The following PHACTR1 variants were observed in gnomAD, a reference collection of about 807,000 sequenced individuals.
PHACTR1 encodes the protein phosphatase and actin regulator 1, also known as RPEL repeat containing 1.
PHACTR1 carries 16 observed loss-of-function variants against 69.2 expected under a neutral mutation model. The ratio of observed to expected loss-of-function variants is 0.23; its 90% CI spans 0.16 to 0.35. The LOEUF (loss-of-function observed/expected upper bound fraction) is 0.35, where lower values mean the gene tolerates loss of function less well. Ranked by LOEUF, PHACTR1 falls within the 10% of genes least tolerant of loss-of-function variation. The pLI is 1.00. For synonymous variants in PHACTR1, 312 were observed against 284.5 expected, an observed-to-expected ratio of 1.10 and a Z score of -0.97; for missense variants, 510 against 734.7, an observed-to-expected ratio of 0.69 and a Z score of 3.54.
At chr6:12,989,682 C>T (rs911731151) in intron 4 of PHACTR1, among the ~76,000 whole-genome samples, 20 of 152,040 alleles carry the variant, frequency 1.3e-4, no homozygotes, top group South Asian at 8.3e-4. Flanking sequence ...AGCCAGGGGG[C>T]CAGTTGCAAA....
intron 4 of PHACTR1, among the ~76,000 whole-genome samples, chr6:12,962,398 C>T (rs1051739579): frequency 6.6e-6 from 1 of 152,152 alleles, no homozygotes; most frequent in East Asian, 1.9e-4. Context: ...CACAATTTGG[C>T]CCCCAACAGC....
chr6:12,758,944 GA>G (rs1157038262), intron 4 of PHACTR1, among the ~76,000 whole-genome samples: 2 of 151,846 alleles, frequency 1.3e-5, no homozygotes, highest in Non-Finnish European at 2.9e-5. Context: ...CCAACATGGT[GA>G]AACCCTGTCT....
chr6:12,973,916 A>ATT (rs33948457), intron 4 of PHACTR1, among the ~76,000 whole-genome samples: 15,170 of 92,894 alleles, frequency 0.16, 1,633 homozygotes, highest in Middle Eastern at 0.22. Flanking sequence ...AGAGGCTGGG[A>ATT]TTTTTTTTTT....
At chr6:12,950,063 A>G (rs1791112600) in intron 4 of PHACTR1, among the ~76,000 whole-genome samples, 1 of 152,330 alleles carries the variant, frequency 6.6e-6, no homozygotes, top group African/African-American at 2.4e-5. Context: ...GCTGTTTAAA[A>G]CAATAATCAT....
At chr6:13,236,586 G>A (rs974091671) in intron 10 of PHACTR1, among the ~76,000 whole-genome samples, 1 of 152,030 alleles carries the variant, frequency 6.6e-6, no homozygotes, top group Admixed American at 6.6e-5. Flanking sequence ...CTCTGCCTTC[G>A]TCTCTGCATG....
intron 4 of PHACTR1, among the ~76,000 whole-genome samples, chr6:13,050,332 A>G (rs1805750688): frequency 6.6e-6 from 1 of 152,106 alleles, no homozygotes; most frequent in African/African-American, 2.4e-5. Context: ...TGAATCTTTT[A>G]TCTTCCTCCT....
intron 4 of PHACTR1, among the ~76,000 whole-genome samples, chr6:13,048,599 A>G (rs1291210583): frequency 1.3e-5 from 2 of 149,604 alleles, no homozygotes; most frequent in Non-Finnish European, 3.0e-5. Context: ...TAATGGTGCA[A>G]TCTTAGCTCA....
intron 3 of PHACTR1, among the ~76,000 whole-genome samples, chr6:12,739,689 C>A (rs1173524205): frequency 6.6e-6 from 1 of 152,112 alleles, no homozygotes; most frequent in East Asian, 1.9e-4. Flanking sequence ...AGGCACGTAC[C>A]ACCATGCCCA....
At chr6:12,863,424 A>C (rs6458507) in intron 4 of PHACTR1, among the ~76,000 whole-genome samples, 148,430 of 152,322 alleles carry the variant, frequency 0.97, 72,460 homozygotes, top group East Asian at 1. Flanking sequence ...AACCTGATTA[A>C]TTCCCAAAGG....
At chr6:13,158,227 G>C (rs549505326) in intron 5 of PHACTR1, among the ~76,000 whole-genome samples, 1 of 152,190 alleles carries the variant, frequency 6.6e-6, no homozygotes, top group South Asian at 2.1e-4. Flanking sequence ...TAACCTAACT[G>C]CATGCAATTC....
intron 10 of PHACTR1, among the ~76,000 whole-genome samples, chr6:13,255,424 G>A (rs145376299): frequency 1.8e-4 from 27 of 152,204 alleles, no homozygotes; most frequent in African/African-American, 4.8e-4. Context: ...CAAATCTCAT[G>A]TCCTTCTCAT....
chr6:13,206,476 A>G (rs1482102519), intron 8 of PHACTR1, among the ~76,000 whole-genome samples: 2 of 151,132 alleles, frequency 1.3e-5, no homozygotes, highest in African/African-American at 2.5e-5. Context: ...CAACTTAACC[A>G]TAGACTAATT....
rs150688873 is a variant in PHACTR1, at chr6:13,072,074, T to C, written c.415+18545T>C. The stretch of plus-strand genomic sequence containing the variant: ...AACTGAAAAGATTCATTAGCAAATC[T>C]GTTGTTACAACAAGGATGATCTTTG... On this transcript the variant is annotated intron_variant, in intron 5 of 14. Transcript: ENST00000332995. 5.8e-4 allele frequency among the ~76,000 whole-genome samples: 88 copies of C among 152,356 alleles called. 3 individuals are homozygous for C. Among genetic ancestry groups the C allele is most frequent in the African/African-American group, 1.9e-3 (78 of 41,594 alleles).
intron 4 of PHACTR1, among the ~76,000 whole-genome samples, chr6:12,894,092 AT>A: frequency 6.6e-6 from 1 of 152,284 alleles, no homozygotes; most frequent in East Asian, 1.9e-4. Flanking sequence ...TACTTTCAAT[AT>A]TGCAGTTGAA....
intron 3 of PHACTR1, among the ~76,000 whole-genome samples, chr6:12,743,556 G>T (rs563147849): frequency 6.6e-6 from 1 of 152,178 alleles, no homozygotes; most frequent in Non-Finnish European, 1.5e-5. Flanking sequence ...TGGGGCTGCT[G>T]GGCCTGTCAG....
chr6:12,770,122 A>G (rs1472107595), intron 4 of PHACTR1, among the ~76,000 whole-genome samples: 1 of 152,244 alleles, frequency 6.6e-6, no homozygotes, highest in Non-Finnish European at 1.5e-5. Flanking sequence ...TTTCCTTTGG[A>G]AAGCCTCCTT....
At chr6:13,053,576 C>A in intron 5 of PHACTR1, 47 bp downstream of exon 5, 3 of 1,581,264 alleles carry the variant, frequency 1.9e-6, no homozygotes, top group Non-Finnish European at 2.6e-6. Flanking sequence ...TTGTTGCCTT[C>A]AACTCTATTA....
chr6:13,123,094 G>A (rs1164279903), intron 5 of PHACTR1, among the ~76,000 whole-genome samples: 1 of 151,948 alleles, frequency 6.6e-6, no homozygotes, highest in African/African-American at 2.4e-5. Flanking sequence ...GGAGAAAAGG[G>A]CCCCCCAAAA....
chr6:13,231,455 AGAAGGAAG>A (rs56339944), intron 10 of PHACTR1, among the ~76,000 whole-genome samples: 2 of 137,452 alleles, frequency 1.5e-5, no homozygotes, highest in Admixed American at 7.4e-5. Flanking sequence ...GAGGAAGGAA[AGAAGGAAG>A]GAAGGAAGGA....
Sources: allele counts gnomAD v4.1 joint callset (sites outside exome capture counted in the v4.1 genomes callset), GRCh38; gene constraint gnomAD v4.1.1; transcripts MANE v1.5; gene names NCBI Gene and HGNC (gene_info 2026-07-23, HGNC 2026-07-21).